Variants in TAFA2 observed in about 807,000 individuals in gnomAD.
The protein encoded by TAFA2 is chemokine-like protein TAFA-2.
A neutral mutation model predicts 18.8 loss-of-function variants in TAFA2; 7 were observed. The observed-to-expected ratio is 0.37, with a 90% CI of 0.21 to 0.70. The LOEUF (loss-of-function observed/expected upper bound fraction) is 0.70, where lower values mean the gene tolerates loss of function less well. TAFA2 is among the 30% of genes least tolerant of loss of function. TAFA2 has a pLI of 0.53. For synonymous variants in TAFA2, 60 were observed against 54.2 expected, an observed-to-expected ratio of 1.11 and a Z score of -0.47; for missense variants, 122 against 158.1, an observed-to-expected ratio of 0.77 and a Z score of 1.23.
chr12:62,150,697 G>A (rs1467226317), intron 1 of TAFA2, among the ~76,000 whole-genome samples: 3 of 152,114 alleles, frequency 2.0e-5, no homozygotes, highest in African/African-American at 7.2e-5. Context: ...GAGGTCAGGA[G>A]TTCGAGACCA....
intron 1 of TAFA2, among the ~76,000 whole-genome samples, chr12:62,084,719 G>C (rs1489736870): frequency 2.0e-5 from 3 of 152,074 alleles, no homozygotes; most frequent in African/African-American, 7.2e-5. Flanking sequence ...GACAAATACA[G>C]GTCCCAAACT....
At chr12:62,010,603 C>T (rs1171078861) in intron 1 of TAFA2, among the ~76,000 whole-genome samples, 1 of 152,160 alleles carries the variant, frequency 6.6e-6, no homozygotes, top group Non-Finnish European at 1.5e-5. Context: ...GAGAGCGTCT[C>T]TGCCTGGCTG....
intron 1 of TAFA2, among the ~76,000 whole-genome samples, chr12:62,059,837 T>C (rs74818881): frequency 0.016 from 2,395 of 152,330 alleles, 56 homozygotes; most frequent in African/African-American, 0.053. Flanking sequence ...TTCAATTCTG[T>C]ATACTCAGTT....
chr12:62,096,685 T>C (rs1868966238), intron 1 of TAFA2, among the ~76,000 whole-genome samples: 1 of 152,160 alleles, frequency 6.6e-6, no homozygotes, highest in Admixed American at 6.6e-5. Context: ...ATTTTAATAA[T>C]GATAACTCAG....
intron 1 of TAFA2, among the ~76,000 whole-genome samples, chr12:62,155,434 G>C (rs1277899230): frequency 2.0e-5 from 3 of 151,516 alleles, no homozygotes; most frequent in African/African-American, 7.3e-5. Context: ...TCACAGAATT[G>C]GAAAAAAAAA....
Position 62,138,262 on chromosome 12 carries a change from C to A in TAFA2, c.-2+52997G>T, listed in dbSNP as rs68065049. Among the ~76,000 whole-genome samples the A allele has an allele frequency of 9.5e-3, 1,451 of 152,096 alleles. 22 individuals are homozygous for A. The highest frequency in any genetic ancestry group is 0.034 in the African/African-American group (1,400 of 41,486). On this transcript the variant is annotated intron_variant, in intron 1 of 4. Coordinates refer to ENST00000416284, the MANE Select transcript of TAFA2 (RefSeq NM_178539.5). ...TTGTACCACTGCACTCCTGCCTAGG[C>A]AACACAGTGGGACCCTGTCTCTAAA...
intron 2 of TAFA2, among the ~76,000 whole-genome samples, chr12:61,836,732 G>T (rs1360409424): frequency 3.5e-5 from 4 of 112,788 alleles, no homozygotes; most frequent in African/African-American, 6.0e-5. Flanking sequence ...TTGCCAATTT[G>T]ATATATATAT....
chr12:62,136,810 A>G (rs1318435288), intron 1 of TAFA2, among the ~76,000 whole-genome samples: 1 of 152,186 alleles, frequency 6.6e-6, no homozygotes, highest in Non-Finnish European at 1.5e-5. Context: ...TTGGCTAAGT[A>G]AAGCTTTATA....
chr12:61,738,287 GAA>G (rs993714931), intron 4 of TAFA2, among the ~76,000 whole-genome samples: 1 of 51,450 alleles, frequency 1.9e-5, no homozygotes, highest in East Asian at 1.0e-3. Flanking sequence ...AAATGAAAAT[GAA>G]AACACACACA....
Position 61,941,819 on chromosome 12 carries a change from C to G in TAFA2, c.-1-74393G>C, listed in dbSNP as rs540960688. ...AGGGTCCTATGCCCACGGAATCTCGCTGATTGCTAGCACAGCAGTCTGAGA... is the reference window on the plus strand; with the variant it reads ...AGGGTCCTATGCCCACGGAATCTCGGTGATTGCTAGCACAGCAGTCTGAGA... On this transcript the variant is annotated intron_variant, in intron 1 of 4. Coordinates refer to ENST00000416284, the MANE Select transcript of TAFA2 (RefSeq NM_178539.5). Among the ~76,000 whole-genome samples, 833 of 152,292 alleles carry G rather than the reference C, an allele frequency of 5.5e-3. 7 individuals are homozygous for G. Among genetic ancestry groups the G allele is most frequent in the Middle Eastern group, 0.027 (8 of 294 alleles).
intron 1 of TAFA2, among the ~76,000 whole-genome samples, chr12:62,014,408 C>T (rs1422321046): frequency 3.3e-5 from 5 of 152,080 alleles, no homozygotes; most frequent in Non-Finnish European, 7.4e-5. Context: ...GCGGGCGAAT[C>T]GCTTGTGCCC....
At chr12:61,720,998 G>T (rs866605423) in intron 4 of TAFA2, 39 of 498,790 alleles carry the variant, frequency 7.8e-5, no homozygotes, top group Middle Eastern at 6.4e-4. Flanking sequence ...GGAGAAAGGG[G>T]ACATTACAAC....
At chr12:62,208,891 T>C (rs2062702693) in intron 1 of TAFA2, among the ~76,000 whole-genome samples, 1 of 152,230 alleles carries the variant, frequency 6.6e-6, no homozygotes, top group Admixed American at 6.5e-5. Context: ...CACAGCCTCC[T>C]GTCAACACTA....
At chr12:62,135,319 C>A (rs1391980717) in intron 1 of TAFA2, among the ~76,000 whole-genome samples, 1 of 152,198 alleles carries the variant, frequency 6.6e-6, no homozygotes, top group South Asian at 2.1e-4. Context: ...ACATTCTTAA[C>A]AAAATCTGAC....
chr12:62,252,903 G>C (rs1187317611), intron 1 of TAFA2: 1 of 152,172 alleles, frequency 6.6e-6, no homozygotes, highest in Non-Finnish European at 1.5e-5. Context: ...CTATTGGCAG[G>C]AAAGGAAAAT....
chr12:61,737,485 TACA>T (rs1868323358), intron 4 of TAFA2, among the ~76,000 whole-genome samples: 6 of 151,810 alleles, frequency 4.0e-5, no homozygotes, highest in African/African-American at 1.4e-4. Flanking sequence ...AGATGGGTAA[TACA>T]TATAACATAG....
At chr12:61,880,213 G>T in intron 1 of TAFA2, 1 of 495,108 alleles carries the variant, frequency 2.0e-6, no homozygotes, top group South Asian at 1.7e-5. Context: ...GGAAGCACGG[G>T]GATAACCTGA....
chr12:62,075,242 A>T (rs1175085366), intron 1 of TAFA2, among the ~76,000 whole-genome samples: 1 of 152,194 alleles, frequency 6.6e-6, no homozygotes, highest in Non-Finnish European at 1.5e-5. Flanking sequence ...GTATTTCATT[A>T]AGGGGGAAAT....
chr12:62,000,148 T>C (rs1212104909), intron 1 of TAFA2, among the ~76,000 whole-genome samples: 1 of 152,184 alleles, frequency 6.6e-6, no homozygotes, highest in Non-Finnish European at 1.5e-5. Flanking sequence ...TAAAACTAAA[T>C]CACAGGAAAA....
Sources: gnomAD v4.1 joint callset for allele counts (sites outside exome capture counted in the v4.1 genomes callset) on GRCh38, gnomAD v4.1.1 for gene constraint, MANE v1.5 for transcripts, NCBI Gene and HGNC (gene_info 2026-07-23, HGNC 2026-07-21) for gene names.